Variants in USP32 observed in about 807,000 individuals in gnomAD.
USP32 encodes the protein ubiquitin specific peptidase 32.
In USP32, 59 loss-of-function variants were observed where a neutral mutation model predicts 204.8. The observed-to-expected ratio is 0.29, with a 90% CI of 0.23 to 0.36. The LOEUF (loss-of-function observed/expected upper bound fraction) is 0.36. Among genes scored for constraint, USP32 ranks in the 10% least tolerant of loss-of-function variants. The pLI is 1.00. For synonymous variants in USP32, 517 were observed against 678.4 expected (o/e 0.76, Z 3.70); for missense variants, 1,160 against 1,946.4 (o/e 0.60, Z 7.60).
intron 1 of USP32, among the ~76,000 whole-genome samples, chr17:60,373,608 A>C (rs2089485770): frequency 6.6e-6 from 1 of 151,656 alleles, no homozygotes; most frequent in Admixed American, 6.6e-5. Flanking sequence ...CACCACCACA[A>C]CCGGCTAATT....
chr17:60,212,093 T>G lies in USP32; in HGVS notation c.2110A>C (p.Asn704His). The part of the protein sequence containing the change: ...DEQHLVIEVR[N>H]KDMSWPEEMS... ...TCCTCAGGCCAACTCATATCTTTGT[T>G]GCGAACTGGAAGGACAGATAGGAAT... Residue 704 changes from asparagine (N) to histidine (H), a missense_variant, in exon 19 of 34, where the codon AAC becomes CAC. By Grantham distance (68) the Asn-to-His change is moderately conservative. This residue lies in a region of USP32 where 132 missense variants were observed against 432.8 expected (regional missense o/e 0.30). Transcript: ENST00000300896. 6.2e-7 allele frequency: 1 copy of G among 1,607,044 alleles called. No individual in the cohort carries two copies. The highest frequency in any genetic ancestry group is 2.2e-5 in the East Asian group (1 of 44,776).
At chr17:60,236,105 T>A in intron 12 of USP32, 33 bp downstream of exon 12, 1 of 1,578,864 alleles carries the variant, frequency 6.3e-7, no homozygotes, top group African/African-American at 1.3e-5. Flanking sequence ...GAAAATCCTG[T>A]GAAAAATGTA....
chr17:60,240,120 G>C (rs2085838991), intron 11 of USP32, among the ~76,000 whole-genome samples: 1 of 152,178 alleles, frequency 6.6e-6, no homozygotes, highest in Non-Finnish European at 1.5e-5. Context: ...TTAAATGTTT[G>C]TCTACTAAGT....
Position 60,345,533 on chromosome 17 carries a change from T to C in USP32, c.134A>G (p.His45Arg), listed in dbSNP as rs1306668889. ...TCGLSYYMGQ[H>R]CFIREVLGDG... The stretch of plus-strand genomic sequence containing the variant: ...CCCAAGCACTTCCCGGATGAAGCAG[T>C]GCTGGCCCATGTAATATGAGAGTCC... Residue 45 changes from histidine (H) to arginine (R), a missense_variant, in exon 2 of 34, where the codon CAC becomes CGC. Physicochemically the swap from His to Arg is conservative, Grantham distance 29. Around this residue, in one of 8 missense-constraint regions of USP32, gnomAD observed 536 missense variants for 680.9 expected, o/e 0.79. Transcript: ENST00000300896. The C allele has an allele frequency of 6.2e-7, 1 of 1,614,204 alleles. No homozygotes were observed. Among genetic ancestry groups the C allele is most frequent in the Admixed American group, 1.7e-5 (1 of 60,022 alleles).
intron 12 of USP32, among the ~76,000 whole-genome samples, chr17:60,229,033 T>C (rs1168516124): frequency 6.6e-6 from 1 of 152,060 alleles, no homozygotes; most frequent in Non-Finnish European, 1.5e-5. Context: ...AATTCAACTT[T>C]TTTTTTTCAC....
At chr17:60,355,973 G>T (rs899599883) in intron 1 of USP32, among the ~76,000 whole-genome samples, 8 of 146,578 alleles carry the variant, frequency 5.5e-5, no homozygotes, top group African/African-American at 2.0e-4. Flanking sequence ...CTATGCAATA[G>T]CTTTGAAAAC....
chr17:60,332,655 A>G (rs1001054308), intron 2 of USP32, among the ~76,000 whole-genome samples: 1 of 152,182 alleles, frequency 6.6e-6, no homozygotes, highest in Non-Finnish European at 1.5e-5. Flanking sequence ...TCTTAAAAAA[A>G]AAGTTTACTC....
chr17:60,353,865 AACATAAGAGAGCAGC>A (rs2089009297), intron 1 of USP32, among the ~76,000 whole-genome samples: 1 of 152,208 alleles, frequency 6.6e-6, no homozygotes, highest in African/African-American at 2.4e-5. Context: ...GCACAAAACA[AACATAAGAGAGCAGC>A]ACAACGCTCA....
chr17:60,274,332 C>A (rs1215778690), intron 5 of USP32, among the ~76,000 whole-genome samples: 3 of 152,088 alleles, frequency 2.0e-5, no homozygotes, highest in African/African-American at 2.4e-5. Flanking sequence ...ATCAAACATA[C>A]ATACAATTGG....
Position 60,383,052 on chromosome 17 carries a change from C to G in USP32, c.58+8830G>C, listed in dbSNP as rs193291371. Among the ~76,000 whole-genome samples, 205 of 152,044 alleles carry G rather than the reference C, an allele frequency of 1.3e-3. 1 individual carries two copies. Among genetic ancestry groups the G allele is most frequent in the Admixed American group, 6.9e-3 (105 of 15,264 alleles). ...CACGAGGTCAAGAAATGAAGACCATCCTGGCCAACATGCTGAAACCCCGTC... is the reference window on the plus strand; with the variant it reads ...CACGAGGTCAAGAAATGAAGACCATGCTGGCCAACATGCTGAAACCCCGTC... On this transcript the variant is annotated intron_variant, in intron 1 of 33. Transcript: ENST00000300896.
chr17:60,345,989 TA>T (rs2088777822), intron 1 of USP32, among the ~76,000 whole-genome samples: 1 of 150,628 alleles, frequency 6.6e-6, no homozygotes, highest in Admixed American at 6.6e-5. Flanking sequence ...CTCAAAAAAA[TA>T]AATAAATAAA....
intron 12 of USP32, among the ~76,000 whole-genome samples, chr17:60,230,706 C>T (rs188071719): frequency 2.6e-4 from 39 of 152,342 alleles, no homozygotes; most frequent in Admixed American, 2.0e-3. Context: ...ACTGTCAGCA[C>T]AACTCAGGTT....
In USP32 at chr17:60,198,363, C is replaced by T. The variant is rs2084578918; in HGVS notation, c.3331G>A (p.Val1111Met). Residue 1111 changes from valine to methionine, a missense_variant, in exon 27 of 34, where the codon GTG becomes ATG. This residue lies in a region of USP32 where 160 missense variants were observed against 322.5 expected (regional missense o/e 0.50). Transcript: ENST00000300896. ...TATAGGTCTTTCTTCCGGGTATGCA[C>T]AGTACATGGAACAATCAATGGCATT... is the stretch of plus-strand genomic sequence containing the variant. ...FGMPLIVPCT[V>M]HTRKKDLYDA... 1.9e-6 allele frequency: 3 copies of T among 1,614,138 alleles called. No homozygotes were observed. Among genetic ancestry groups the T allele is most frequent in the African/African-American group, 1.3e-5 (1 of 75,030 alleles).
intron 1 of USP32, among the ~76,000 whole-genome samples, chr17:60,358,176 T>C (rs1451480621): frequency 2.0e-5 from 3 of 152,216 alleles, no homozygotes; most frequent in Non-Finnish European, 4.4e-5. Context: ...GTATTTCAGC[T>C]ATACTATGAC....
intron 13 of USP32, among the ~76,000 whole-genome samples, chr17:60,225,719 C>T (rs1374050345): frequency 2.6e-5 from 4 of 151,804 alleles, no homozygotes; most frequent in South Asian, 2.1e-4. Context: ...TTTGGGAGGC[C>T]GAGGCAGGCA....
chr17:60,232,031 A>T (rs1326374547), intron 12 of USP32, among the ~76,000 whole-genome samples: 1 of 152,114 alleles, frequency 6.6e-6, no homozygotes, highest in Non-Finnish European at 1.5e-5. Flanking sequence ...GAAACATACT[A>T]CCCTCACAAT....
At chr17:60,381,331 C>G (rs1021575467) in intron 1 of USP32, among the ~76,000 whole-genome samples, 5 of 151,300 alleles carry the variant, frequency 3.3e-5, no homozygotes, top group African/African-American at 1.2e-4. Flanking sequence ...GTCCCAGACA[C>G]TTGGGAGGCT....
intron 1 of USP32, chr17:60,422,024 C>A: frequency 1.1e-6 from 1 of 880,622 alleles, no homozygotes; most frequent in Non-Finnish European, 1.4e-6. Flanking sequence ...ACCCAGCACC[C>A]AGCACCCAGC....
At chr17:60,326,299 G>C (rs1476014984) in intron 2 of USP32, among the ~76,000 whole-genome samples, 1 of 151,158 alleles carries the variant, frequency 6.6e-6, no homozygotes, top group East Asian at 1.9e-4. Context: ...TTGACACCAT[G>C]GTTTGTTTTC....
Sources: allele counts gnomAD v4.1 joint callset (sites outside exome capture counted in the v4.1 genomes callset), GRCh38; gene constraint gnomAD v4.1.1; regional missense constraint gnomAD v4.1.1; transcripts MANE v1.5; gene names NCBI Gene and HGNC (gene_info 2026-07-23, HGNC 2026-07-21).